The following ZC3H7B variants were observed in gnomAD, a reference collection of about 807,000 sequenced individuals.
The protein encoded by ZC3H7B is zinc finger CCCH domain-containing protein 7B.
ZC3H7B carries 35 observed loss-of-function variants against 116.0 expected under a neutral mutation model. The observed-to-expected ratio is 0.30, with a 90% CI of 0.23 to 0.40. The LOEUF (loss-of-function observed/expected upper bound fraction) is 0.40, where lower values mean the gene tolerates loss of function less well. Among genes scored for constraint, ZC3H7B ranks in the 10% least tolerant of loss-of-function variants. The pLI is 1.00. For synonymous variants in ZC3H7B, 502 were observed against 545.6 expected (o/e 0.92, Z 1.11); for missense variants, 1,011 against 1,321.5 (o/e 0.77, Z 3.64).
chr22:41,323,106 G>A (rs1413761110), intron 2 of ZC3H7B, among the ~76,000 whole-genome samples: 1 of 152,158 alleles, frequency 6.6e-6, no homozygotes, highest in African/African-American at 2.4e-5. Flanking sequence ...TCCTGCGCTG[G>A]GCTGATTTGA....
At chr22:41,348,373 T>C (rs2036615097) in intron 15 of ZC3H7B, among the ~76,000 whole-genome samples, 1 of 152,262 alleles carries the variant, frequency 6.6e-6, no homozygotes, top group Non-Finnish European at 1.5e-5. Context: ...AAGCGTCATC[T>C]TGGGTATGTT....
chr22:41,316,616 T>TTTTTG (rs2036186799), intron 1 of ZC3H7B, among the ~76,000 whole-genome samples: 1 of 148,366 alleles, frequency 6.7e-6, no homozygotes, highest in Non-Finnish European at 1.5e-5. Flanking sequence ...TTTTTTTTTT[T>TTTTTG]GAGACAGGGT....
chr22:41,308,265 G>C (rs2036071888), intron 1 of ZC3H7B, among the ~76,000 whole-genome samples: 1 of 152,058 alleles, frequency 6.6e-6, no homozygotes, highest in African/African-American at 2.4e-5. Context: ...GGTTTTTAGA[G>C]GTCGCCCTGG....
chr22:41,320,542 A>C (rs1266852009), intron 1 of ZC3H7B, 113 bp from the exon 2 acceptor site: 16 of 1,197,440 alleles, frequency 1.3e-5, no homozygotes, highest in Non-Finnish European at 2.0e-5. Context: ...CGACATGGGG[A>C]AGGGAATGAG....
intron 12 of ZC3H7B, 72 bp from the exon 13 acceptor site, chr22:41,343,343 C>T (rs1184394107): frequency 1.2e-5 from 19 of 1,543,420 alleles, no homozygotes; most frequent in South Asian, 8.6e-5. Flanking sequence ...TCCTACCCAC[C>T]GCATGGGCCT....
chr22:41,330,358 T>C (rs1341773483), intron 6 of ZC3H7B, among the ~76,000 whole-genome samples: 1 of 152,254 alleles, frequency 6.6e-6, no homozygotes, highest in Non-Finnish European at 1.5e-5. Context: ...GCTGGCTGAC[T>C]TTAGTCACCT....
chr22:41,333,418 G>T (rs1423619504), intron 7 of ZC3H7B: 1 of 152,104 alleles, frequency 6.6e-6, no homozygotes, highest in Non-Finnish European at 1.5e-5. Context: ...TTAATTTCGG[G>T]AGTTAAAGAC....
intron 1 of ZC3H7B, among the ~76,000 whole-genome samples, chr22:41,311,730 C>T (rs1436236868): frequency 2.0e-5 from 3 of 152,018 alleles, no homozygotes; most frequent in Non-Finnish European, 4.4e-5. Context: ...TGCAAGAGCT[C>T]ATCTGGGGAG....
chr22:41,323,525 C>T (rs2036282677), intron 2 of ZC3H7B, among the ~76,000 whole-genome samples: 1 of 152,156 alleles, frequency 6.6e-6, no homozygotes, highest in African/African-American at 2.4e-5. Flanking sequence ...CACTCTCGTC[C>T]CCTCCTTCTC....
intron 2 of ZC3H7B, 130 bp downstream of exon 2, chr22:41,320,843 G>A: frequency 7.9e-7 from 1 of 1,266,506 alleles, no homozygotes; most frequent in South Asian, 1.3e-5. Flanking sequence ...GTGCGCTGGG[G>A]TGCGGGCAGG....
chr22:41,317,370 T>C (rs1227736575), intron 1 of ZC3H7B, among the ~76,000 whole-genome samples: 2 of 152,124 alleles, frequency 1.3e-5, no homozygotes, highest in East Asian at 1.9e-4. Context: ...CAACAAAATA[T>C]TGAATCATAA....
chr22:41,342,614 G>A lies in ZC3H7B; in HGVS notation c.1283G>A (p.Cys428Tyr), dbSNP rs1431551499. 6.2e-7 allele frequency: 1 copy of A among 1,612,156 alleles called. No individual in the cohort carries two copies. Among genetic ancestry groups the A allele is most frequent in the Non-Finnish European group, 8.5e-7 (1 of 1,179,804 alleles). Residue 428 changes from cysteine to tyrosine, a missense_variant, in exon 12 of 23, where the codon TGC becomes TAC. Transcript: ENST00000352645. ...GAGTTCAAGCAGGCCTGCCAGCTCT[G>A]CTACCCCAAGACAGGTAAACTTTCA... ...THEFKQACQL[C>Y]YPKTGPRAGD...
intron 5 of ZC3H7B, among the ~76,000 whole-genome samples, chr22:41,328,487 C>T (rs1030744327): frequency 1.3e-5 from 2 of 152,226 alleles, no homozygotes; most frequent in Non-Finnish European, 1.5e-5. Flanking sequence ...GAGGTAGACA[C>T]GTGCACAGAT....
intron 1 of ZC3H7B, among the ~76,000 whole-genome samples, chr22:41,316,735 C>T (rs963779871): frequency 2.0e-5 from 3 of 151,566 alleles, no homozygotes; most frequent in Non-Finnish European, 1.5e-5. Flanking sequence ...AGTGCAACGG[C>T]GCAATCTTGG....
At chr22:41,311,438 T>G (rs899951108) in intron 1 of ZC3H7B, among the ~76,000 whole-genome samples, 2 of 151,974 alleles carry the variant, frequency 1.3e-5, no homozygotes, top group Non-Finnish European at 2.9e-5. Flanking sequence ...AAACACCCAA[T>G]CCAGCTGAGA....
At chr22:41,305,354 A>G (rs2036027419) in intron 1 of ZC3H7B, among the ~76,000 whole-genome samples, 1 of 151,794 alleles carries the variant, frequency 6.6e-6, no homozygotes, top group Admixed American at 6.6e-5. Flanking sequence ...AAAAAAAAAA[A>G]AAAAAATTAG....
intron 1 of ZC3H7B, 33 bp from the exon 2 acceptor site, chr22:41,320,622 T>C: frequency 6.2e-7 from 1 of 1,613,394 alleles, no homozygotes; most frequent in Admixed American, 1.7e-5. Context: ...TGGCTCTTGC[T>C]GACTGACTGA....
At chr22:41,331,574 A>AG (rs1368545381) in intron 6 of ZC3H7B, among the ~76,000 whole-genome samples, 4 of 150,724 alleles carry the variant, frequency 2.7e-5, no homozygotes, top group African/African-American at 7.3e-5. Context: ...AAAAAAAAAA[A>AG]AGAGAGAGCA....
At chr22:41,304,223 C>T (rs1351530014) in intron 1 of ZC3H7B, among the ~76,000 whole-genome samples, 2 of 151,742 alleles carry the variant, frequency 1.3e-5, no homozygotes, top group Non-Finnish European at 2.9e-5. Context: ...AAGTTTCTTT[C>T]TTTCTTTCTT....
Sources: allele counts gnomAD v4.1 joint callset (sites outside exome capture counted in the v4.1 genomes callset), GRCh38; gene constraint gnomAD v4.1.1; transcripts MANE v1.5; gene names NCBI Gene and HGNC (gene_info 2026-07-23, HGNC 2026-07-21).